The following PRORP variants were observed in gnomAD, a reference collection of about 807,000 sequenced individuals.
PRORP encodes protein only RNase P catalytic subunit.
A neutral mutation model predicts 59.4 loss-of-function variants in PRORP; 51 were observed. That is an observed-to-expected ratio of 0.86 (90% confidence interval 0.69 to 1.08). The LOEUF (loss-of-function observed/expected upper bound fraction) is 1.08, where lower values mean the gene tolerates loss of function less well. Ranked by LOEUF, PRORP falls within the 50% of genes least tolerant of loss-of-function variation. The probability of loss-of-function intolerance (pLI) is 0.00; values close to 1 mark genes in which losing one functional copy is unlikely to be tolerated. For missense variants in PRORP, 646 were observed against 690.3 expected (o/e 0.94, Z 0.72); for synonymous variants, 231 against 245.6 (o/e 0.94, Z 0.55).
intron 5 of PRORP, among the ~76,000 whole-genome samples, chr14:35,187,209 G>A (rs918980493): frequency 2.6e-5 from 4 of 152,126 alleles, no homozygotes; most frequent in African/African-American, 9.7e-5. Context: ...TGATAACTCT[G>A]TGTTTAATCT....
At chr14:35,203,253 A>C (rs1222309293) in intron 5 of PRORP, among the ~76,000 whole-genome samples, 1 of 152,202 alleles carries the variant, frequency 6.6e-6, no homozygotes, top group Non-Finnish European at 1.5e-5. Context: ...GTTCAGCTGT[A>C]CTAATGAAAT....
rs1225718057 is a variant in PRORP at position 35,227,380 on chromosome 14, C to T, written c.1276-39347C>T. Among the ~76,000 whole-genome samples, 5 of 151,562 alleles carry T rather than the reference C, an allele frequency of 3.3e-5. No individual in the cohort carries two copies. The East Asian group carries it at 7.8e-4, about 24-fold the overall frequency. On this transcript the variant is annotated intron_variant, in intron 5 of 7. Transcript: ENST00000534898. Reference sequence around the variant, plus strand: ...AATGGCGAGAACGTGGGAGGCAGAGCTTGCAGTGAGCTGAGATCGCACCAC... The same window carrying T: ...AATGGCGAGAACGTGGGAGGCAGAGTTTGCAGTGAGCTGAGATCGCACCAC...
At chr14:35,138,709 A>ATG (rs1254503271) in intron 4 of PRORP, among the ~76,000 whole-genome samples, 1 of 145,712 alleles carries the variant, frequency 6.9e-6, no homozygotes, top group South Asian at 2.2e-4. Context: ...ACACCCTCTA[A>ATG]TGTAGCGGCT....
intron 5 of PRORP, among the ~76,000 whole-genome samples, chr14:35,241,288 G>C (rs1243963022): frequency 6.6e-6 from 1 of 151,948 alleles, no homozygotes; most frequent in African/African-American, 2.4e-5. Flanking sequence ...TGAGGTAGGA[G>C]AATCTCTTGA....
In PRORP at chr14:35,273,948, C is replaced by T. The variant is rs969678918; in HGVS notation, c.*382C>T. 6.2e-5 allele frequency: 10 copies of T among 160,596 alleles called. No homozygotes were observed. Among genetic ancestry groups the T allele is most frequent in the Non-Finnish European group, 1.4e-4 (10 of 73,656 alleles). 9.9% of individuals were successfully genotyped at this position (160,596 alleles called of 1,614,324 possible). A position where few individuals can be genotyped will look rare whatever the true frequency, so the allele number is the denominator to read the frequency against. On this transcript the variant is annotated 3_prime_UTR_variant, in exon 8 of 8. Transcript: ENST00000534898. The stretch of plus-strand genomic sequence containing the variant: ...AATCAATCCATCTGTCCCTGAGATA[C>T]TCATGTTGTTTCAAATGCCTCCTCC...
chr14:35,132,912 G>C (rs1250753902), intron 4 of PRORP, among the ~76,000 whole-genome samples: 1 of 150,808 alleles, frequency 6.6e-6, no homozygotes, highest in Non-Finnish European at 1.5e-5. Flanking sequence ...TTTTTGTTTT[G>C]TTTTGTTTTG....
At chr14:35,167,896 C>T (rs752111657) in intron 4 of PRORP, among the ~76,000 whole-genome samples, 6 of 152,140 alleles carry the variant, frequency 3.9e-5, no homozygotes, top group Admixed American at 1.3e-4. Flanking sequence ...AAGTAGTGAT[C>T]GTCACATGTT....
At position 35,262,965 on chromosome 14, in the gene PRORP, A is replaced by G; in HGVS notation, c.1276-3762A>G. On this transcript the variant is annotated intron_variant, in intron 5 of 7. Coordinates refer to ENST00000534898, the MANE Select transcript of PRORP (RefSeq NM_014672.4). Reference sequence around the variant, plus strand: ...TCAGCAAGCCACGACAGTTAAAAACAAGGATATCAGGAAATTTTTGGATGG... The same window carrying G: ...TCAGCAAGCCACGACAGTTAAAAACGAGGATATCAGGAAATTTTTGGATGG... The G allele has an allele frequency of 1.9e-6, 3 of 1,599,156 alleles. No individual in the cohort carries two copies. The South Asian group carries it at 3.3e-5, about 18-fold the overall frequency.
At chr14:35,156,958 T>TC (rs1389837080) in intron 4 of PRORP, among the ~76,000 whole-genome samples, 3 of 37,640 alleles carry the variant, frequency 8.0e-5, no homozygotes, top group African/African-American at 3.7e-4. Flanking sequence ...TTTTTTCTTT[T>TC]CTTTTTTTTT....
At chr14:35,202,853 T>G (rs1368148007) in intron 5 of PRORP, among the ~76,000 whole-genome samples, 2 of 152,218 alleles carry the variant, frequency 1.3e-5, no homozygotes, top group Non-Finnish European at 2.9e-5. Flanking sequence ...AGGCTGGTCT[T>G]GAACTCCTGG....
intron 5 of PRORP, among the ~76,000 whole-genome samples, chr14:35,259,968 T>C (rs1177171158): frequency 6.7e-6 from 1 of 149,296 alleles, no homozygotes; most frequent in Non-Finnish European, 1.5e-5. Flanking sequence ...TAGTGATCAC[T>C]GCAGGTGTTT....
chr14:35,257,377 C>T (rs1343512320), intron 5 of PRORP, among the ~76,000 whole-genome samples: 1 of 152,156 alleles, frequency 6.6e-6, no homozygotes, highest in Admixed American at 6.5e-5. Context: ...CTCCCTGCTG[C>T]CCTGACAACC....
At chr14:35,177,199 TTTC>T (rs1270956368) in intron 4 of PRORP, among the ~76,000 whole-genome samples, 1 of 26,074 alleles carries the variant, frequency 3.8e-5, no homozygotes. Flanking sequence ...TGGTCTAAAA[TTTC>T]TCTTTTTTTG....
chr14:35,242,864 T>G (rs1028001229), intron 5 of PRORP, among the ~76,000 whole-genome samples: 1 of 152,168 alleles, frequency 6.6e-6, no homozygotes, highest in African/African-American at 2.4e-5. Context: ...AGAGCTACTG[T>G]CCCCAAAGAT....
chr14:35,129,733 C>T (rs761662629), intron 4 of PRORP, among the ~76,000 whole-genome samples: 28 of 151,834 alleles, frequency 1.8e-4, no homozygotes, highest in Non-Finnish European at 2.9e-4. Context: ...CCTTCCTCAG[C>T]CTCCCAAAGT....
At chr14:35,125,724 C>T (rs891303098) in intron 2 of PRORP, among the ~76,000 whole-genome samples, 1 of 152,128 alleles carries the variant, frequency 6.6e-6, no homozygotes, top group South Asian at 2.1e-4. Context: ...ATTCTGTTAT[C>T]AAGAATGCTG....
chr14:35,262,459 A>G, intron 5 of PRORP: 1 of 460,992 alleles, frequency 2.2e-6, no homozygotes, highest in Admixed American at 3.3e-5. Context: ...TACTGAGAGA[A>G]CGAAGACCAT....
intron 5 of PRORP, among the ~76,000 whole-genome samples, chr14:35,208,726 C>G (rs2049358525): frequency 6.6e-6 from 1 of 152,054 alleles, no homozygotes; most frequent in South Asian, 2.1e-4. Context: ...AAAAATTAGG[C>G]CGGGCATGGT....
At chr14:35,236,480 G>C (rs2138519533) in intron 5 of PRORP, among the ~76,000 whole-genome samples, 1 of 152,272 alleles carries the variant, frequency 6.6e-6, no homozygotes, top group African/African-American at 2.4e-5. Context: ...GTCTGGCTTA[G>C]TCTCCATCAT....
Sources: allele counts gnomAD v4.1 joint callset (sites outside exome capture counted in the v4.1 genomes callset), GRCh38; gene constraint gnomAD v4.1.1; transcripts MANE v1.5; gene names NCBI Gene and HGNC (gene_info 2026-07-23, HGNC 2026-07-21).